SCN1A: variants seen among roughly 807,000 people sequenced by gnomAD.
SCN1A encodes the protein sodium voltage-gated channel alpha subunit 1.
In SCN1A, 13 loss-of-function variants were observed where a neutral mutation model predicts 193.7. That is an observed-to-expected ratio of 0.07 (90% CI 0.04 to 0.11). The LOEUF is 0.11. Among genes scored for constraint, SCN1A ranks in the 10% least tolerant of loss-of-function variants. SCN1A has a pLI of 1.00. For synonymous variants in SCN1A, 781 were observed against 843.6 expected (o/e 0.93, Z 1.29); for missense variants, 1,432 against 2,451.1 (o/e 0.58, Z 8.78).
intron 4 of SCN1A, among the ~76,000 whole-genome samples, chr2:166,068,889 A>G (rs893028154): frequency 6.6e-6 from 1 of 152,232 alleles, no homozygotes; most frequent in East Asian, 1.9e-4. Flanking sequence ...TTCTATTTCC[A>G]GTAAACTGTC....
chr2:166,032,036 G>A lies in SCN1A; in HGVS notation c.3429+4012C>T, dbSNP rs147281291. Among the ~76,000 whole-genome samples the A allele has an allele frequency of 1.7e-4, 26 of 152,130 alleles. No individual in the cohort carries two copies. The East Asian group carries it at 4.4e-3, about 26-fold the overall frequency. On this transcript the variant is annotated intron_variant, in intron 19 of 28. Transcript: ENST00000674923. Reference sequence around the variant, plus strand: ...AACACAAGGCATTAATATAATTTTGGAGGTATTATAATGATGCATTGTAGA... The same window carrying A: ...AACACAAGGCATTAATATAATTTTGAAGGTATTATAATGATGCATTGTAGA...
chr2:166,058,527 A>G (rs765208441), intron 5 of SCN1A, 43 bp downstream of exon 5: 1 of 1,127,992 alleles, frequency 8.9e-7, no homozygotes, highest in South Asian at 1.2e-5. Context: ...GTGCTTACAG[A>G]TCATGTACAA....
chr2:166,128,733 G>T (rs1276918323), upstream of SCN1A, among the ~76,000 whole-genome samples: 1 of 152,064 alleles, frequency 6.6e-6, no homozygotes, highest in Non-Finnish European at 1.5e-5. Context: ...ACAGCCTAAA[G>T]CTTAATTATA....
intron 25 of SCN1A, 147 bp from the exon 26 acceptor site, chr2:165,998,322 A>T (rs1690372373): frequency 1.6e-6 from 1 of 613,586 alleles, no homozygotes. Flanking sequence ...TCTAAAAAAC[A>T]TCCCTGAAAT....
At chr2:166,145,657 T>C (rs1337191351) in intron 1 of SCN1A, among the ~76,000 whole-genome samples, 1 of 152,092 alleles carries the variant, frequency 6.6e-6, no homozygotes, top group African/African-American at 2.4e-5. Context: ...CATGGGAAGG[T>C]ATAATTTAAA....
At chr2:166,121,118 GAA>G (rs11299049) in intron 2 of SCN1A, among the ~76,000 whole-genome samples, 2,672 of 96,586 alleles carry the variant, frequency 0.028, 41 homozygotes, top group Middle Eastern at 0.052. Flanking sequence ...GGAAAAAAAA[GAA>G]AAAAAAAAAA....
At position 165,991,426 on chromosome 2, in the gene SCN1A, C is replaced by T. The variant is rs1487310211; in HGVS notation, c.5849G>A (p.Gly1950Glu). Reference protein sequence around the residue: ...FTYNKNKIKGGANLLIKEDMI... With the variant: ...FTYNKNKIKGEANLLIKEDMI... Reference sequence around the variant, plus strand: ...GTCTTCTTTTATAAGAAGATTAGCCCCACCTTTGATTTTGTTTTTATTGTA... The same window carrying T: ...GTCTTCTTTTATAAGAAGATTAGCCTCACCTTTGATTTTGTTTTTATTGTA... The change falls in exon 29 of 29, where the codon GGG (glycine) becomes GAG (glutamate). Residue 1950 changes from glycine to glutamate, a missense_variant. This residue lies in a region of SCN1A where 148 missense variants were observed against 160.3 expected (regional missense o/e 0.92). Transcript: ENST00000674923. The T allele has an allele frequency of 1.2e-6, 2 of 1,613,726 alleles. No homozygotes were observed.
At chr2:166,009,664 A>T in intron 23 of SCN1A, 55 bp downstream of exon 23, 1 of 1,521,490 alleles carries the variant, frequency 6.6e-7, no homozygotes, top group Admixed American at 2.1e-5. Flanking sequence ...TTCTAAATTT[A>T]ATTTAGTTTA....
chr2:166,111,279 T>G (rs2106196610), intron 2 of SCN1A, among the ~76,000 whole-genome samples: 1 of 152,206 alleles, frequency 6.6e-6, no homozygotes, highest in Non-Finnish European at 1.5e-5. Flanking sequence ...GAAGCCAATT[T>G]TCATTTACTA....
chr2:166,049,000 C>G lies in SCN1A; in HGVS notation c.965-51G>C, dbSNP rs754032198. The G allele has an allele frequency of 2.6e-6, 3 of 1,141,664 alleles. No homozygotes were observed. In the Admixed American group the frequency reaches 5.1e-5, roughly 19 times the overall value. 70.7% of individuals were successfully genotyped at this position (1,141,664 alleles called of 1,614,324 possible). A position where few individuals can be genotyped will look rare whatever the true frequency, so the allele number is the denominator to read the frequency against. ...ATGAACATTTGCATTGTTAAAAACA[C>G]TCAAATGAGAACAGGAAGGTCAGGT... On this transcript the variant is annotated intron_variant, in intron 9 of 28. Coordinates refer to ENST00000674923, the MANE Select transcript of SCN1A (RefSeq NM_001165963.4).
At chr2:166,021,691 C>G (rs1694092305) in intron 19 of SCN1A, among the ~76,000 whole-genome samples, 2 of 152,084 alleles carry the variant, frequency 1.3e-5, no homozygotes, top group Non-Finnish European at 2.9e-5. Flanking sequence ...TACTTTAGAA[C>G]TTAGAGAAAG....
chr2:166,122,694 A>C (rs1428785405), intron 2 of SCN1A, among the ~76,000 whole-genome samples: 1 of 152,134 alleles, frequency 6.6e-6, no homozygotes, highest in Admixed American at 6.6e-5. Flanking sequence ...GTAATGCTGA[A>C]CCCCTACCTC....
rs755323236 is a variant in SCN1A, at chr2:166,043,874, C to T, written c.1838G>A (p.Arg613Gln). The T allele has an allele frequency of 6.2e-6, 10 of 1,614,032 alleles. No individual in the cohort carries two copies. Among genetic ancestry groups the T allele is most frequent in the Middle Eastern group, 1.6e-4 (1 of 6,084 alleles). The change falls in exon 14 of 29, where the codon CGA becomes CAA. Residue 613 changes from arginine (R) to glutamine (Q), a missense_variant. Arg to Gln is a conservative substitution (Grantham distance 43, BLOSUM62 1). This residue lies in a region of SCN1A where 316 missense variants were observed against 362.1 expected (regional missense o/e 0.87). Coordinates refer to ENST00000674923, the MANE Select transcript of SCN1A (RefSeq NM_001165963.4). ...GTTGCTGTTGCGTCTCTCTCCGTGT[C>T]GTCGGGGCACAAACAAGGAATCTCT... The part of the protein sequence containing the change: ...SRRDSLFVPR[R>Q]HGERRNSNLS...
At chr2:166,040,655 T>C (rs1697053442) in intron 16 of SCN1A, among the ~76,000 whole-genome samples, 1 of 152,222 alleles carries the variant, frequency 6.6e-6, no homozygotes, top group East Asian at 1.9e-4. Context: ...ATTTATGTTT[T>C]TGAAGCACAA....
chr2:166,136,784 A>G (rs555414115), intron 1 of SCN1A, among the ~76,000 whole-genome samples: 1 of 152,328 alleles, frequency 6.6e-6, no homozygotes, highest in Non-Finnish European at 1.5e-5. Flanking sequence ...TGAAAGTGGC[A>G]CCAGATTCCG....
Position 166,039,577 on chromosome 2 carries a change from G to A in SCN1A, c.2435C>T (p.Thr812Ile). ...AATAATTTTCAGAAACATTTCTGCT[G>A]TAAAGATCCCAGTGAAAACCTAAGA... ...VGNLVFTGIF[T>I]AEMFLKIIAM... Residue 812 changes from threonine (T) to isoleucine (I), a missense_variant, in exon 17 of 29, where the codon ACA (threonine) becomes ATA (isoleucine). Thr to Ile is a moderately conservative substitution (Grantham distance 89). Transcript: ENST00000674923. 6.2e-7 allele frequency: 1 copy of A among 1,613,754 alleles called. No individual in the cohort carries two copies. The highest frequency in any genetic ancestry group is 1.1e-5 in the South Asian group (1 of 91,056).
intron 2 of SCN1A, chr2:166,092,521 C>A (rs1030819372): frequency 6.6e-6 from 1 of 152,128 alleles, no homozygotes; most frequent in Non-Finnish European, 1.5e-5. Context: ...CAGGTCATAT[C>A]TTTTGGGTTT....
chr2:166,055,184 T>G lies in SCN1A; in HGVS notation c.474-418A>C, dbSNP rs542000710. 3.6e-5 allele frequency among the ~76,000 whole-genome samples: 4 copies of G among 110,926 alleles called. No individual in the cohort carries two copies. In the East Asian group the frequency reaches 1.5e-3, roughly 43 times the overall value. The allele number at this position is 110,926 out of a possible 152,430, so 72.8% of individuals were successfully genotyped here. ...TAAGAATGAGAGGAAACTGACAAAT[T>G]AGCACGTGTTTTTTTTTTTCTACAA... On this transcript the variant is annotated intron_variant, in intron 6 of 28. Coordinates refer to ENST00000674923, the MANE Select transcript of SCN1A (RefSeq NM_001165963.4).
chr2:166,131,367 AGTCTTTG>A, upstream of SCN1A, among the ~76,000 whole-genome samples: 1 of 150,956 alleles, frequency 6.6e-6, no homozygotes, highest in East Asian at 1.9e-4. Flanking sequence ...GATGTCATTT[AGTCTTTG>A]TAAGACTCCG....
Sources: gnomAD v4.1 joint callset for allele counts (sites outside exome capture counted in the v4.1 genomes callset) on GRCh38, gnomAD v4.1.1 for gene constraint, gnomAD v4.1.1 regional missense constraint, MANE v1.5 for transcripts, NCBI Gene and HGNC (gene_info 2026-07-23, HGNC 2026-07-21) for gene names.